Variants in TMEM178B observed in about 807,000 individuals in gnomAD.
The protein encoded by TMEM178B is transmembrane protein 178B.
Under a neutral mutation model 31.0 loss-of-function variants are expected in TMEM178B, and 5 were observed. That is an observed-to-expected ratio of 0.16 (90% CI 0.08 to 0.34). The LOEUF (loss-of-function observed/expected upper bound fraction) is 0.34, where lower values mean the gene tolerates loss of function less well. TMEM178B is among the 10% of genes least tolerant of loss of function. TMEM178B has a pLI of 1.00. For synonymous variants in TMEM178B, 164 were observed against 164.0 expected, an observed-to-expected ratio of 1.00 and a Z score of 0.00; for missense variants, 275 against 400.3, an observed-to-expected ratio of 0.69 and a Z score of 2.67.
At chr7:141,303,536 G>A (rs929554903) in intron 2 of TMEM178B, among the ~76,000 whole-genome samples, 47 of 152,228 alleles carry the variant, frequency 3.1e-4, no homozygotes, top group Admixed American at 2.4e-3. Context: ...GCGTGCTCAT[G>A]AGAGGAGCGC....
intron 1 of TMEM178B, among the ~76,000 whole-genome samples, chr7:141,201,635 C>T (rs948780983): frequency 5.3e-5 from 8 of 152,166 alleles, no homozygotes; most frequent in African/African-American, 1.9e-4. Context: ...GCCCCAAAGA[C>T]TCCTGCTGGT....
chr7:141,401,747 T>G (rs1247669536), intron 2 of TMEM178B, among the ~76,000 whole-genome samples: 1 of 152,236 alleles, frequency 6.6e-6, no homozygotes, highest in Non-Finnish European at 1.5e-5. Context: ...TTTGTGTCTC[T>G]ACAGACCATA....
chr7:141,344,011 G>A lies in TMEM178B; in HGVS notation c.497-93597G>A, dbSNP rs1395891488. 1.3e-5 allele frequency among the ~76,000 whole-genome samples: 2 copies of A among 152,146 alleles called. No homozygotes were observed. The highest frequency in any genetic ancestry group is 2.9e-5 in the Non-Finnish European group (2 of 68,028). ...CAAAATAAAACCACTTATTCATACT[G>A]CAGAGGAAAGGACAGCTTGGATTGT... On this transcript the variant is annotated intron_variant, in intron 2 of 3. Coordinates refer to ENST00000565468, the MANE Select transcript of TMEM178B (RefSeq NM_001195278.2). The surrounding 1 kb of genome is among the most constrained non-coding windows in gnomAD (Gnocchi z 4.1).
chr7:141,396,397 C>T (rs929295309), intron 2 of TMEM178B, among the ~76,000 whole-genome samples: 3 of 152,350 alleles, frequency 2.0e-5, no homozygotes, highest in East Asian at 1.9e-4. Flanking sequence ...TTCCCAAAGG[C>T]GCCCCATACT....
At position 141,208,978 on chromosome 7, in the gene TMEM178B, AG is replaced by A. The variant is rs1212085309; in HGVS notation, c.383-3611del. On this transcript the variant is annotated intron_variant, in intron 1 of 3. Transcript: ENST00000565468. Reference sequence around the variant, plus strand: ...TAGGTAGGGCTGCTGCTAGCTCGTAAGGCAGCATTGTGCAAGTGAGACAAAG... The same window carrying A: ...TAGGTAGGGCTGCTGCTAGCTCGTAAGCAGCATTGTGCAAGTGAGACAAAG... Among the ~76,000 whole-genome samples the A allele has an allele frequency of 2.6e-5, 4 of 152,178 alleles. No individual in the cohort carries two copies. In the East Asian group the frequency reaches 7.7e-4, roughly 29 times the overall value.
intron 2 of TMEM178B, among the ~76,000 whole-genome samples, chr7:141,271,945 G>A (rs1490716263): frequency 6.6e-6 from 1 of 152,120 alleles, no homozygotes; most frequent in East Asian, 1.9e-4. Flanking sequence ...CTTCAGATCT[G>A]CCCTATTGTG....
chr7:141,135,397 A>C (rs779910284), intron 1 of TMEM178B, among the ~76,000 whole-genome samples: 1 of 152,238 alleles, frequency 6.6e-6, no homozygotes, highest in Non-Finnish European at 1.5e-5. Flanking sequence ...AGACATTTAC[A>C]GAACATTTTA....
At chr7:141,139,869 G>A (rs541723725) in intron 1 of TMEM178B, among the ~76,000 whole-genome samples, 28 of 151,814 alleles carry the variant, frequency 1.8e-4, no homozygotes, top group African/African-American at 5.3e-4. Context: ...GGATTCAAGC[G>A]ATTCTCCTGC....
At chr7:141,119,644 G>A (rs1227215227) in intron 1 of TMEM178B, among the ~76,000 whole-genome samples, 1 of 152,160 alleles carries the variant, frequency 6.6e-6, no homozygotes, top group African/African-American at 2.4e-5. Context: ...TCTTCAGTGG[G>A]GAATCCCTGT....
intron 1 of TMEM178B, among the ~76,000 whole-genome samples, chr7:141,185,425 C>T (rs1208051537): frequency 2.6e-5 from 4 of 152,154 alleles, no homozygotes; most frequent in South Asian, 2.1e-4. Flanking sequence ...GGCCGCTCAG[C>T]GGCCTGGGCT....
chr7:141,145,072 A>G lies in TMEM178B; in HGVS notation c.383-67519A>G, dbSNP rs151148733. ...ATTCTAAGGTCACTTTTGGTTGCAT[A>G]CTGAGTCAGTCGGCAAGACTTGCCC... is the stretch of plus-strand genomic sequence containing the variant. On this transcript the variant is annotated intron_variant, in intron 1 of 3. Transcript: ENST00000565468. 3.8e-3 allele frequency among the ~76,000 whole-genome samples: 586 copies of G among 152,324 alleles called. 7 individuals carry two copies. Among genetic ancestry groups the G allele is most frequent in the African/African-American group, 0.013 (557 of 41,574 alleles).
At chr7:141,196,252 C>G (rs1310108617) in intron 1 of TMEM178B, among the ~76,000 whole-genome samples, 1 of 151,950 alleles carries the variant, frequency 6.6e-6, no homozygotes, top group Non-Finnish European at 1.5e-5. Context: ...CTGGTTTTTA[C>G]TCTTTTTTTG....
chr7:141,140,887 T>G (rs1380448706), intron 1 of TMEM178B, among the ~76,000 whole-genome samples: 2 of 152,194 alleles, frequency 1.3e-5, no homozygotes, highest in Non-Finnish European at 2.9e-5. Context: ...GATTTATGAA[T>G]GTTGACGTTG....
At chr7:141,358,619 G>A (rs1341938960) in intron 2 of TMEM178B, among the ~76,000 whole-genome samples, 3 of 151,536 alleles carry the variant, frequency 2.0e-5, no homozygotes, top group Non-Finnish European at 4.4e-5. Context: ...AAACCATTGA[G>A]CTCTTTCATA....
At chr7:141,270,651 C>T (rs1180117781) in intron 2 of TMEM178B, among the ~76,000 whole-genome samples, 3 of 152,156 alleles carry the variant, frequency 2.0e-5, no homozygotes, top group African/African-American at 7.2e-5. Flanking sequence ...CTATAGGATT[C>T]GAGTTGAGGT....
At chr7:141,108,185 G>T (rs1032585403) in intron 1 of TMEM178B, among the ~76,000 whole-genome samples, 1 of 152,212 alleles carries the variant, frequency 6.6e-6, no homozygotes, top group Admixed American at 6.5e-5. Context: ...AAGATGATTT[G>T]TCATAAAGGT....
At chr7:141,119,484 G>C (rs773399850) in intron 1 of TMEM178B, among the ~76,000 whole-genome samples, 1 of 152,170 alleles carries the variant, frequency 6.6e-6, no homozygotes, top group Non-Finnish European at 1.5e-5. Context: ...TGATTTTACA[G>C]CATGTGTACT....
chr7:141,147,267 C>T (rs2129180002), intron 1 of TMEM178B, among the ~76,000 whole-genome samples: 1 of 151,770 alleles, frequency 6.6e-6, no homozygotes. Flanking sequence ...CTCCTGTGTT[C>T]TAATAGAGGA....
At chr7:141,211,462 G>T (rs1797051479) in intron 1 of TMEM178B, among the ~76,000 whole-genome samples, 1 of 152,178 alleles carries the variant, frequency 6.6e-6, no homozygotes, top group Admixed American at 6.5e-5. Flanking sequence ...TCAATCATGT[G>T]CACCACTTAT....
Sources: allele counts gnomAD v4.1 joint callset (sites outside exome capture counted in the v4.1 genomes callset), GRCh38; gene constraint gnomAD v4.1.1; non-coding constraint Gnocchi (gnomAD v3.1); transcripts MANE v1.5; gene names NCBI Gene and HGNC (gene_info 2026-07-23, HGNC 2026-07-21).